PHF3: variants seen among roughly 807,000 people sequenced by gnomAD.
PHF3 encodes PHD finger protein 3.
PHF3 carries 41 observed loss-of-function variants against 178.4 expected under a neutral mutation model. The ratio of observed to expected loss-of-function variants is 0.23; its 90% confidence interval spans 0.18 to 0.30. PHF3 has a LOEUF of 0.30. PHF3 is among the 10% of genes least tolerant of loss of function. PHF3 has a pLI of 1.00. For synonymous variants in PHF3, 842 were observed against 800.5 expected, an observed-to-expected ratio of 1.05 and a Z score of -0.88; for missense variants, 2,346 against 2,398.1, an observed-to-expected ratio of 0.98 and a Z score of 0.45.
At position 63,705,973 on chromosome 6, in the gene PHF3, T is replaced by C. The variant is rs559540000; in HGVS notation, c.3368-56T>C. 3.7e-6 allele frequency: 5 copies of C among 1,358,410 alleles called. No homozygotes were observed. The African/African-American group carries it at 7.2e-5, about 20-fold the overall frequency. 84.1% of individuals were successfully genotyped at this position (1,358,410 alleles called of 1,614,324 possible). A position where few individuals can be genotyped will look rare whatever the true frequency, so the allele number is the denominator to read the frequency against. On this transcript the variant is annotated intron_variant, in intron 11 of 15. Coordinates refer to ENST00000262043, the MANE Select transcript of PHF3 (RefSeq NM_001370348.2). ...ATAACTTTAGAAAGTGAAAATGGGTTAAGTTATAAAAGTTGTAGTTAACAG... is the reference window on the plus strand; with the variant it reads ...ATAACTTTAGAAAGTGAAAATGGGTCAAGTTATAAAAGTTGTAGTTAACAG...
intron 5 of PHF3, among the ~76,000 whole-genome samples, chr6:63,694,215 G>A (rs1423566094): frequency 6.6e-6 from 1 of 152,120 alleles, no homozygotes; most frequent in African/African-American, 2.4e-5. Context: ...TTGCCAATAG[G>A]CATACTGAGA....
Position 63,724,628 on chromosome 6 carries a change from C to T in PHF3, c.*10920C>T, listed in dbSNP as rs796080073. On this transcript the variant is annotated 3_prime_UTR_variant, in exon 16 of 16. Coordinates refer to ENST00000262043, the MANE Select transcript of PHF3 (RefSeq NM_001370348.2). ...TTAGCAGAAATAGATGAAAAGGGACCAGAGTCTTATTTCTTTAAAATATCT... is the reference window on the plus strand; with the variant it reads ...TTAGCAGAAATAGATGAAAAGGGACTAGAGTCTTATTTCTTTAAAATATCT... Among the ~76,000 whole-genome samples, 30 of 151,564 alleles carry T rather than the reference C, an allele frequency of 2.0e-4. No homozygotes were observed. Among genetic ancestry groups the T allele is most frequent in the African/African-American group, 7.0e-4 (29 of 41,362 alleles).
In PHF3 at chr6:63,706,212, C is replaced by T. The variant is rs1767685212; in HGVS notation, c.3551C>T (p.Ser1184Phe). The T allele has an allele frequency of 6.2e-7, 1 of 1,609,598 alleles. No homozygotes were observed. Among genetic ancestry groups the T allele is most frequent in the Non-Finnish European group, 8.5e-7 (1 of 1,178,228 alleles). ...CAGGAGTCTCCAAAGTCAACGTTCT[C>T]TCCTGCTCCACGGTAATTTTCTCTG... ...EKQESPKSTF[S>F]PAPRPEMPGT... Residue 1184 changes from serine (S) to phenylalanine (F), a missense_variant, in exon 12 of 16, where the codon TCT (serine) becomes TTT (phenylalanine). Coordinates refer to ENST00000262043, the MANE Select transcript of PHF3 (RefSeq NM_001370348.2).
intron 15 of PHF3, 83 bp downstream of exon 15, chr6:63,711,445 T>C (rs916740102): frequency 7.3e-7 from 1 of 1,372,010 alleles, no homozygotes; most frequent in Admixed American, 2.2e-5. Context: ...TCTGCCTTCT[T>C]TCTCAGGATC....
In PHF3 at chr6:63,721,940, T is replaced by C. The variant is rs1385649255; in HGVS notation, c.*8232T>C. On this transcript the variant is annotated 3_prime_UTR_variant, in exon 16 of 16. Transcript: ENST00000262043. ...TGAGCACAATTGTGTTAGTTTTGTTTCCACTCACAGAGCAAAATGCATATA... is the reference window on the plus strand; with the variant it reads ...TGAGCACAATTGTGTTAGTTTTGTTCCCACTCACAGAGCAAAATGCATATA... The C allele has an allele frequency of 4.0e-6, 3 of 746,742 alleles. No homozygotes were observed. The Admixed American group carries it at 8.8e-5, about 22-fold the overall frequency. The allele number at this position is 746,742 out of a possible 1,614,324, so 46.3% of individuals were successfully genotyped here.
chr6:63,664,908 G>C (rs1765617842), intron 2 of PHF3, among the ~76,000 whole-genome samples: 1 of 151,300 alleles, frequency 6.6e-6, no homozygotes, highest in Admixed American at 6.6e-5. Flanking sequence ...AGTTTTTTTT[G>C]TTTTAAATAC....
chr6:63,701,149 T>TTA (rs1460265445), intron 9 of PHF3, among the ~76,000 whole-genome samples: 27 of 152,224 alleles, frequency 1.8e-4, no homozygotes, highest in African/African-American at 6.3e-4. Context: ...GTGTACAGGC[T>TTA]TATCTCTTAT....
chr6:63,680,741 C>T (rs1276874847), intron 3 of PHF3, among the ~76,000 whole-genome samples: 1 of 152,042 alleles, frequency 6.6e-6, no homozygotes. Flanking sequence ...TTGTCTAAAT[C>T]TACCCTAAAG....
Position 63,722,743 on chromosome 6 carries a change from G to T in PHF3, c.*9035G>T, listed in dbSNP as rs558759794. ...TACACTACTTCTTCCTCCCTCCAGA[G>T]TGCCTATTTCCACACCTCCCTCCTG... On this transcript the variant is annotated 3_prime_UTR_variant, in exon 16 of 16. Transcript: ENST00000262043. 9.9e-5 allele frequency among the ~76,000 whole-genome samples: 15 copies of T among 152,224 alleles called. No individual in the cohort carries two copies. In the South Asian group the frequency reaches 3.1e-3, roughly 32 times the overall value.
rs1253242759 is a variant in PHF3, at chr6:63,635,804, T to G, written c.-372T>G. 2.5e-6 allele frequency: 1 copy of G among 393,432 alleles called. No homozygotes were observed. Among genetic ancestry groups the G allele is most frequent in the Non-Finnish European group, 4.5e-6 (1 of 222,950 alleles). 24.4% of individuals were successfully genotyped at this position (393,432 alleles called of 1,614,324 possible). A position where few individuals can be genotyped will look rare whatever the true frequency, so the allele number is the denominator to read the frequency against. Reference sequence around the variant, plus strand: ...CCGCGGCCCCCGGAACGGTAAACAGTGGGGTCACGTGACACGGCCCCTCTC... The same window carrying G: ...CCGCGGCCCCCGGAACGGTAAACAGGGGGGTCACGTGACACGGCCCCTCTC... On this transcript the variant is annotated 5_prime_UTR_variant, in exon 1 of 16. Transcript: ENST00000262043.
intron 11 of PHF3, among the ~76,000 whole-genome samples, chr6:63,705,099 T>C (rs1767634211): frequency 6.6e-6 from 1 of 152,222 alleles, no homozygotes. Context: ...CAGGCATGTA[T>C]AGTCATGAGC....
rs1234287210 is a variant in PHF3 at position 63,721,370 on chromosome 6, T to A, written c.*7662T>A. On this transcript the variant is annotated 3_prime_UTR_variant, in exon 16 of 16. Coordinates refer to ENST00000262043, the MANE Select transcript of PHF3 (RefSeq NM_001370348.2). ...TTGTGCCATTTACTGTACATTCACC[T>A]CCATTTCTGCATGTGTTGTACCCAC... The A allele has an allele frequency of 6.4e-7, 1 of 1,551,720 alleles. No individual in the cohort carries two copies. The highest frequency in any genetic ancestry group is 2.0e-5 in the Admixed American group (1 of 50,962).
At position 63,700,474 on chromosome 6, in the gene PHF3, T is replaced by C; in HGVS notation, c.3099+8T>C. On this transcript the variant is annotated splice_region_variant and intron_variant, in intron 9 of 15. Transcript: ENST00000262043. The stretch of plus-strand genomic sequence containing the variant: ...CGAAGAGAAAACAGACATGTAAGAT[T>C]ATCTATAAATATGCATTTGACTATC... 2 of 1,328,066 alleles carry C rather than the reference T, an allele frequency of 1.5e-6. No individual in the cohort carries two copies. Among genetic ancestry groups the C allele is most frequent in the Non-Finnish European group, 2.2e-6 (2 of 929,708 alleles). 82.3% of individuals were successfully genotyped at this position (1,328,066 alleles called of 1,614,324 possible). A position where few individuals can be genotyped will look rare whatever the true frequency, so the allele number is the denominator to read the frequency against.
In PHF3 at chr6:63,720,469, T is replaced by C. The variant is rs913500579; in HGVS notation, c.*6761T>C. ...ATTTTACAATCTTATCAAAAAGATA[T>C]GTTAGCATTTAGACTATTTCAGGTA... On this transcript the variant is annotated 3_prime_UTR_variant, in exon 16 of 16. Coordinates refer to ENST00000262043, the MANE Select transcript of PHF3 (RefSeq NM_001370348.2). 4 of 643,906 alleles carry C rather than the reference T, an allele frequency of 6.2e-6. No individual in the cohort carries two copies. The highest frequency in any genetic ancestry group is 1.9e-5 in the African/African-American group (1 of 53,292). 39.9% of individuals were successfully genotyped at this position (643,906 alleles called of 1,614,324 possible). A position where few individuals can be genotyped will look rare whatever the true frequency, so the allele number is the denominator to read the frequency against.
chr6:63,653,745 C>G lies in PHF3; in HGVS notation c.244+6950C>G, dbSNP rs1276565717. The stretch of plus-strand genomic sequence containing the variant: ...TAGAGGAAAAACTTTCAACTTTCCC[C>G]CATTTAGTATGATGTTGACTGTGGT... On this transcript the variant is annotated intron_variant, in intron 2 of 15. Coordinates refer to ENST00000262043, the MANE Select transcript of PHF3 (RefSeq NM_001370348.2). 2.0e-5 allele frequency among the ~76,000 whole-genome samples: 3 copies of G among 152,108 alleles called. No homozygotes were observed. In the East Asian group the frequency reaches 5.8e-4, roughly 29 times the overall value.
At chr6:63,671,274 A>G (rs539950449) in intron 2 of PHF3, among the ~76,000 whole-genome samples, 1 of 152,328 alleles carries the variant, frequency 6.6e-6, no homozygotes, top group Non-Finnish European at 1.5e-5. Flanking sequence ...TTGCATACCT[A>G]TCATATGCCA....
chr6:63,639,056 T>G (rs1297244538), intron 1 of PHF3, among the ~76,000 whole-genome samples: 1 of 152,140 alleles, frequency 6.6e-6, no homozygotes, highest in East Asian at 1.9e-4. Context: ...ATCAAGAGTT[T>G]TATGAGGAAT....
chr6:63,703,802 A>G (rs1330916919), intron 11 of PHF3, 131 bp downstream of exon 11: 23 of 810,134 alleles, frequency 2.8e-5, no homozygotes, highest in Non-Finnish European at 4.4e-5. Context: ...CACAGTCTTT[A>G]AGCTTTCGTG....
At chr6:63,708,677 C>A (rs1050738381) in intron 13 of PHF3, among the ~76,000 whole-genome samples, 1 of 152,076 alleles carries the variant, frequency 6.6e-6, no homozygotes, top group African/African-American at 2.4e-5. Flanking sequence ...AAAAAATAAA[C>A]CTTGAATTAT....
Sources: allele counts gnomAD v4.1 joint callset (sites outside exome capture counted in the v4.1 genomes callset), GRCh38; gene constraint gnomAD v4.1.1; transcripts MANE v1.5; gene names NCBI Gene and HGNC (gene_info 2026-07-23, HGNC 2026-07-21).